Variants in EFHC1 observed in about 807,000 individuals in gnomAD.
EFHC1 encodes EF-hand domain-containing protein 1.
EFHC1 carries 53 observed loss-of-function variants against 69.9 expected under a neutral mutation model. That is an observed-to-expected ratio of 0.76 (90% CI 0.61 to 0.95). The LOEUF (loss-of-function observed/expected upper bound fraction) is 0.95, where lower values mean the gene tolerates loss of function less well. Among genes scored for constraint, EFHC1 ranks in the 40% least tolerant of loss-of-function variants. EFHC1 has a pLI of 0.00. For synonymous variants in EFHC1, 256 were observed against 278.4 expected (o/e 0.92, Z 0.80); for missense variants, 739 against 798.7 (o/e 0.93, Z 0.90).
At position 52,454,151 on chromosome 6, in the gene EFHC1, G is replaced by C; in HGVS notation, c.780G>C (p.Arg260=). Residue 260 remains arginine, a synonymous_variant, in exon 5 of 11, where the codon CGG becomes CGC. Transcript: ENST00000371068. ...DDTDSMYGEC[R]TYIIHYYLMD... is the part of the protein sequence containing the mutation. ...CAGACAGCATGTATGGTGAATGTCGGACCTACATCATTCATTACTATCTTA... is the reference window on the plus strand; with the variant it reads ...CAGACAGCATGTATGGTGAATGTCGCACCTACATCATTCATTACTATCTTA... 6.2e-7 allele frequency: 1 copy of C among 1,614,020 alleles called. No homozygotes were observed. The highest frequency in any genetic ancestry group is 1.1e-5 in the South Asian group (1 of 91,064).
At chr6:52,441,928 A>G (rs1764674222) in intron 3 of EFHC1, among the ~76,000 whole-genome samples, 1 of 152,012 alleles carries the variant, frequency 6.6e-6, no homozygotes, top group South Asian at 2.1e-4. Flanking sequence ...TAGGAGTGCT[A>G]GTGATTTTTG....
At chr6:52,421,078 C>T (rs1764181230) in intron 1 of EFHC1, 2 of 987,358 alleles carry the variant, frequency 2.0e-6, no homozygotes, top group South Asian at 4.4e-5. Flanking sequence ...GGTCTTTTTC[C>T]TTTCTTCTTT....
chr6:52,464,978 T>C lies in EFHC1; in HGVS notation c.1000T>C (p.Ser334Pro). Residue 334 changes from serine (S) to proline (P), a missense_variant, in exon 6 of 11, where the codon TCA becomes CCA. Ser to Pro is a moderately conservative substitution (Grantham distance 74). Transcript: ENST00000371068. The stretch of plus-strand genomic sequence containing the variant: ...TGCTAAAGACTTCATTGTTGGGAAG[T>C]CACTCACTATCCTTGGGAGAACTTT... ...YTAKDFIVGK[S>P]LTILGRTFFI... The C allele has an allele frequency of 2.5e-6, 4 of 1,614,174 alleles. No homozygotes were observed. Among genetic ancestry groups the C allele is most frequent in the Non-Finnish European group, 3.4e-6 (4 of 1,180,016 alleles).
At chr6:52,435,145 C>T (rs898768671) in intron 2 of EFHC1, among the ~76,000 whole-genome samples, 4 of 152,068 alleles carry the variant, frequency 2.6e-5, no homozygotes, top group Admixed American at 2.0e-4. Flanking sequence ...GATAAGTTGT[C>T]CTCTAAACAT....
At chr6:52,470,107 A>C (rs889437310) in intron 7 of EFHC1, among the ~76,000 whole-genome samples, 1 of 152,296 alleles carries the variant, frequency 6.6e-6, no homozygotes, top group African/African-American at 2.4e-5. Context: ...GAAATAAGTT[A>C]TATCTCAGAA....
chr6:52,493,655 C>CA lies in EFHC1; in HGVS notation c.*1325dup, dbSNP rs35994917. 62,004 of 329,022 alleles carry CA rather than the reference C, an allele frequency of 0.19. 1,974 individuals are homozygous for CA. Among genetic ancestry groups the CA allele is most frequent in the East Asian group, 0.43 (5,291 of 12,416 alleles). 20.4% of individuals were successfully genotyped at this position (329,022 alleles called of 1,614,324 possible). A position where few individuals can be genotyped will look rare whatever the true frequency, so the allele number is the denominator to read the frequency against. ...TGGGTGACAGAGCAAGACTCCATCT[C>CA]AAAAAAAAAAAGGTTAGAAAAATGC... On this transcript the variant is annotated 3_prime_UTR_variant, in exon 11 of 11. Coordinates refer to ENST00000371068, the MANE Select transcript of EFHC1 (RefSeq NM_018100.4).
chr6:52,485,687 T>G (rs1271651592), intron 9 of EFHC1: 1 of 152,176 alleles, frequency 6.6e-6, no homozygotes, highest in East Asian at 1.9e-4. Flanking sequence ...TCTCTCTCTC[T>G]TGCCTCTTCT....
intron 1 of EFHC1, chr6:52,421,035 T>A: frequency 1.0e-6 from 1 of 1,003,584 alleles, no homozygotes; most frequent in South Asian, 4.0e-5. Context: ...CTGTTTTGTA[T>A]GTATATCGAT....
At chr6:52,436,269 A>C (rs987762085) in intron 2 of EFHC1, among the ~76,000 whole-genome samples, 6 of 152,084 alleles carry the variant, frequency 3.9e-5, no homozygotes, top group Non-Finnish European at 8.8e-5. Context: ...TTATCTTTTT[A>C]TTATGAGTTT....
chr6:52,433,651 G>C (rs1384301469), intron 2 of EFHC1, among the ~76,000 whole-genome samples: 1 of 152,214 alleles, frequency 6.6e-6, no homozygotes, highest in Non-Finnish European at 1.5e-5. Flanking sequence ...TGTGCTGGTT[G>C]GTCTCCTGCC....
chr6:52,479,568 G>A lies in EFHC1; in HGVS notation c.1493-72G>A, dbSNP rs991828121. On this transcript the variant is annotated intron_variant, in intron 8 of 10. Coordinates refer to ENST00000371068, the MANE Select transcript of EFHC1 (RefSeq NM_018100.4). ...ATACCTGTGAATTTATCATTGGAGG[G>A]TTAATACTATTTTACTCCTGATTGC... 2.3e-5 allele frequency: 37 copies of A among 1,598,536 alleles called. No homozygotes were observed. In the African/African-American group the frequency reaches 4.4e-4, roughly 19 times the overall value.
intron 2 of EFHC1, among the ~76,000 whole-genome samples, chr6:52,437,916 A>T (rs1225496761): frequency 1.3e-5 from 2 of 152,220 alleles, no homozygotes; most frequent in Non-Finnish European, 2.9e-5. Flanking sequence ...TATCTCTGTC[A>T]CAACTATTCA....
chr6:52,479,099 C>A lies in EFHC1; in HGVS notation c.1341C>A (p.Asp447Glu), dbSNP rs749634021. ...TCTTCTCTTACTTTCTAGCTACCGA[C>A]ATGATCAGTATCTTTGAGCCTCCTG... ...RFVFSYFLAT[D>E]MISIFEPPVR... is the part of the protein sequence containing the mutation. Residue 447 changes from aspartate (D) to glutamate (E), a missense_variant, in exon 8 of 11, where the codon GAC becomes GAA. Transcript: ENST00000371068. 2.5e-6 allele frequency: 4 copies of A among 1,614,030 alleles called. No individual in the cohort carries two copies. Among genetic ancestry groups the A allele is most frequent in the Non-Finnish European group, 3.4e-6 (4 of 1,180,012 alleles).
Position 52,420,667 on chromosome 6 carries a change from C to T in EFHC1, c.63+194C>T, listed in dbSNP as rs76161700. On this transcript the variant is annotated intron_variant, in intron 1 of 10. Transcript: ENST00000371068. ...CCTAGCCATCCTCATCCCCTCTCTC[C>T]GATCCTTTGCCCTCCGCCTCATCCC... Among the ~76,000 whole-genome samples, 60 of 152,292 alleles carry T rather than the reference C, an allele frequency of 3.9e-4. 1 individual carries two copies. The East Asian group carries it at 0.011, about 29-fold the overall frequency.
At chr6:52,429,044 G>T (rs1229778966) in intron 2 of EFHC1, among the ~76,000 whole-genome samples, 6 of 151,886 alleles carry the variant, frequency 4.0e-5, no homozygotes, top group Non-Finnish European at 5.9e-5. Context: ...GGGCTTCTTT[G>T]TTTTTCCTTG....
At chr6:52,478,761 A>G (rs977656525) in intron 7 of EFHC1, among the ~76,000 whole-genome samples, 11 of 152,316 alleles carry the variant, frequency 7.2e-5, no homozygotes, top group Non-Finnish European at 1.3e-4. Flanking sequence ...CCACATTTTT[A>G]TCTTTTGAAA....
At chr6:52,432,420 A>G (rs1285970932) in intron 2 of EFHC1, among the ~76,000 whole-genome samples, 1 of 152,098 alleles carries the variant, frequency 6.6e-6, no homozygotes, top group African/African-American at 2.4e-5. Flanking sequence ...TTCTCTCAGA[A>G]TTTGTTTTTC....
intron 2 of EFHC1, among the ~76,000 whole-genome samples, chr6:52,427,869 CT>C (rs1764334981): frequency 1.3e-5 from 2 of 152,070 alleles, no homozygotes; most frequent in African/African-American, 4.8e-5. Context: ...CATTTCCCCC[CT>C]TCATCTTGAA....
rs115955919 is a variant in EFHC1, at chr6:52,491,485, C to T, written c.1852-785C>T. ...AGAGCCTGCTATTTAAAAAGTCTTA[C>T]TCCTCATGAGCTGAGTGGACAGTCT... is the stretch of plus-strand genomic sequence containing the variant. On this transcript the variant is annotated intron_variant, in intron 10 of 10. Transcript: ENST00000371068. Among the ~76,000 whole-genome samples, 950 of 152,312 alleles carry T rather than the reference C, an allele frequency of 6.2e-3. 16 individuals carry two copies. Among genetic ancestry groups the T allele is most frequent in the African/African-American group, 0.021 (891 of 41,570 alleles).
Sources: gnomAD v4.1 joint callset for allele counts (sites outside exome capture counted in the v4.1 genomes callset) on GRCh38, gnomAD v4.1.1 for gene constraint, MANE v1.5 for transcripts, NCBI Gene and HGNC (gene_info 2026-07-23, HGNC 2026-07-21) for gene names.